The following TNKS variants were observed in gnomAD, a reference collection of about 807,000 sequenced individuals.
TNKS encodes tankyrase, also known as poly [ADP-ribose] polymerase tankyrase-1.
A neutral mutation model predicts 135.8 loss-of-function variants in TNKS; 72 were observed. The observed-to-expected ratio is 0.53, with a 90% CI of 0.44 to 0.64. TNKS has a LOEUF of 0.64. Ranked by LOEUF, TNKS falls within the 30% of genes least tolerant of loss-of-function variation. The pLI is 0.00. For missense variants in TNKS, 1,769 were observed against 1,674.0 expected, an observed-to-expected ratio of 1.06 and a Z score of -0.99; for synonymous variants, 849 against 649.3, an observed-to-expected ratio of 1.31 and a Z score of -4.68.
chr8:9,606,444 G>C (rs73537959), intron 2 of TNKS, among the ~76,000 whole-genome samples: 2 of 152,046 alleles, frequency 1.3e-5, no homozygotes, highest in Admixed American at 6.5e-5. Context: ...TCTTATTCTA[G>C]TACTGCACTG....
chr8:9,601,232 GT>G (rs980685075), intron 2 of TNKS, among the ~76,000 whole-genome samples: 8 of 152,238 alleles, frequency 5.3e-5, no homozygotes, highest in Non-Finnish European at 8.8e-5. Context: ...AGCTGAAGTA[GT>G]TTTTTTATCT....
At chr8:9,624,647 C>G (rs994882924) in intron 3 of TNKS, among the ~76,000 whole-genome samples, 1 of 152,080 alleles carries the variant, frequency 6.6e-6, no homozygotes, top group African/African-American at 2.4e-5. Context: ...ATACCTTTAA[C>G]TAGTTTTTTT....
chr8:9,773,112 AAAG>A (rs1184451756), intron 26 of TNKS, among the ~76,000 whole-genome samples: 3 of 151,894 alleles, frequency 2.0e-5, no homozygotes, highest in Non-Finnish European at 4.4e-5. Flanking sequence ...AACTTCTAGA[AAAG>A]AAGCTTTTTT....
At position 9,720,505 on chromosome 8, in the gene TNKS, A is replaced by G. The variant is rs906119356; in HGVS notation, c.1881A>G (p.Ala627=). The G allele has an allele frequency of 1.2e-6, 2 of 1,614,014 alleles. No homozygotes were observed. The highest frequency in any genetic ancestry group is 2.7e-5 in the African/African-American group (2 of 74,946). ...PSIISLQGFT[A]AQMGNEAVQQ... The stretch of plus-strand genomic sequence containing the variant: ...TCATCTCCTTACAAGGCTTCACAGC[A>G]GCACAGATGGGCAATGAAGCAGTGC... The change falls in exon 12 of 27, where the codon GCA becomes GCG. Residue 627 remains alanine, a synonymous_variant. Transcript: ENST00000310430.
At chr8:9,723,277 T>C (rs1326967740) in intron 12 of TNKS, among the ~76,000 whole-genome samples, 1 of 152,088 alleles carries the variant, frequency 6.6e-6, no homozygotes, top group Non-Finnish European at 1.5e-5. Flanking sequence ...GCTGAACTTT[T>C]TAGTTATTTA....
At chr8:9,613,703 A>C (rs1382877689) in intron 2 of TNKS, among the ~76,000 whole-genome samples, 2 of 152,206 alleles carry the variant, frequency 1.3e-5, no homozygotes, top group Non-Finnish European at 2.9e-5. Context: ...ACTTCTTTTA[A>C]TGTCACCTAA....
At chr8:9,716,938 G>A (rs968275890) in intron 11 of TNKS, among the ~76,000 whole-genome samples, 4 of 150,988 alleles carry the variant, frequency 2.6e-5, no homozygotes, top group Non-Finnish European at 3.0e-5. Context: ...AATAAGAGTC[G>A]CTTGTTGAGT....
intron 3 of TNKS, among the ~76,000 whole-genome samples, chr8:9,652,900 T>C (rs1445076654): frequency 1.3e-5 from 2 of 152,182 alleles, no homozygotes; most frequent in Non-Finnish European, 2.9e-5. Flanking sequence ...TTACATGATT[T>C]GGTCAAACTT....
At chr8:9,774,640 T>G (rs1012932182) in intron 26 of TNKS, among the ~76,000 whole-genome samples, 1 of 152,186 alleles carries the variant, frequency 6.6e-6, no homozygotes, top group Non-Finnish European at 1.5e-5. Context: ...ATTGATTAAT[T>G]AGTAACTTAA....
chr8:9,666,195 T>C (rs1005035812), intron 3 of TNKS, among the ~76,000 whole-genome samples: 1 of 152,202 alleles, frequency 6.6e-6, no homozygotes, highest in Non-Finnish European at 1.5e-5. Flanking sequence ...CACAGCTGGC[T>C]GCTGAACACG....
intron 3 of TNKS, among the ~76,000 whole-genome samples, chr8:9,622,007 A>G (rs185171309): frequency 2.0e-5 from 3 of 152,236 alleles, no homozygotes; most frequent in Non-Finnish European, 4.4e-5. Flanking sequence ...TAAAAAGTTA[A>G]TTTCTTGACT....
At chr8:9,767,570 T>A (rs1476477486) in intron 25 of TNKS, among the ~76,000 whole-genome samples, 3 of 152,148 alleles carry the variant, frequency 2.0e-5, no homozygotes, top group Non-Finnish European at 2.9e-5. Context: ...CTCAGTTGTG[T>A]TTTGAACAAA....
At chr8:9,650,902 C>G (rs554182800) in intron 3 of TNKS, among the ~76,000 whole-genome samples, 1 of 152,146 alleles carries the variant, frequency 6.6e-6, no homozygotes, top group African/African-American at 2.4e-5. Context: ...AAGCTAATGT[C>G]TAGAAGAGTT....
In TNKS at chr8:9,766,462, C is replaced by T. The variant is rs192986149; in HGVS notation, c.3740+37C>T. 9.9e-6 allele frequency: 14 copies of T among 1,413,306 alleles called. No individual in the cohort carries two copies. In the African/African-American group the frequency reaches 1.8e-4, roughly 18 times the overall value. The allele number at this position is 1,413,306 out of a possible 1,614,324, so 87.5% of individuals were successfully genotyped here. A position where few individuals can be genotyped will look rare whatever the true frequency, so the allele number is the denominator to read the frequency against. ...GCCATTAGTGTAACGTTTCCCACCC[C>T]TAGGTCACGAACCAAATTGTCTTTT... On this transcript the variant is annotated intron_variant, in intron 25 of 26. Coordinates refer to ENST00000310430, the MANE Select transcript of TNKS (RefSeq NM_003747.3).
At chr8:9,560,129 C>A (rs1797266737) in intron 1 of TNKS, among the ~76,000 whole-genome samples, 1 of 152,028 alleles carries the variant, frequency 6.6e-6, no homozygotes, top group Non-Finnish European at 1.5e-5. Context: ...AGAGTGATAC[C>A]TCCTTAGGAT....
intron 3 of TNKS, among the ~76,000 whole-genome samples, chr8:9,623,049 A>G (rs993258571): frequency 3.3e-5 from 5 of 152,208 alleles, no homozygotes; most frequent in East Asian, 3.8e-4. Context: ...AGTTATGTCA[A>G]TGTGGTCTCT....
chr8:9,625,401 T>C (rs73523249), intron 3 of TNKS, among the ~76,000 whole-genome samples: 13,327 of 152,086 alleles, frequency 0.088, 622 homozygotes, highest in South Asian at 0.18. Context: ...TTGATTTTTG[T>C]TTTTTATTAT....
At chr8:9,680,157 CT>C (rs1802724010) in intron 4 of TNKS, among the ~76,000 whole-genome samples, 170 bp downstream of exon 4, 1 of 152,032 alleles carries the variant, frequency 6.6e-6, no homozygotes. Context: ...ATAATAAAAT[CT>C]TTTCATGTGG....
At chr8:9,625,737 GC>G (rs1412184975) in intron 3 of TNKS, among the ~76,000 whole-genome samples, 1 of 152,036 alleles carries the variant, frequency 6.6e-6, no homozygotes, top group Non-Finnish European at 1.5e-5. Flanking sequence ...ATTCCATTGT[GC>G]TTGAACAATA....
Sources: gnomAD v4.1 joint callset for allele counts (sites outside exome capture counted in the v4.1 genomes callset) on GRCh38, gnomAD v4.1.1 for gene constraint, MANE v1.5 for transcripts, NCBI Gene and HGNC (gene_info 2026-07-23, HGNC 2026-07-21) for gene names.